Variants in SGCD observed in about 807,000 individuals in gnomAD.
SGCD encodes sarcoglycan delta.
A neutral mutation model predicts 36.6 loss-of-function variants in SGCD; 18 were observed. The observed-to-expected ratio is 0.49, with a 90% CI of 0.34 to 0.73. The LOEUF (loss-of-function observed/expected upper bound fraction) is 0.73, where lower values mean the gene tolerates loss of function less well. SGCD is among the 30% of genes least tolerant of loss of function. SGCD has a pLI of 0.01. For missense variants in SGCD, 387 were observed against 346.7 expected (o/e 1.12, Z -0.92); for synonymous variants, 133 against 130.6 (o/e 1.02, Z -0.12).
At position 156,765,928 on chromosome 5, in the gene SGCD, TAAA is replaced by T. The variant is rs1191497891; in HGVS notation, c.*6539_*6541del. The T allele has an allele frequency of 1.3e-5, 2 of 151,558 alleles. No individual in the cohort carries two copies. The highest frequency in any genetic ancestry group is 3.9e-4 in the East Asian group (2 of 5,136). 9.4% of individuals were successfully genotyped at this position (151,558 alleles called of 1,614,324 possible). A position where few individuals can be genotyped will look rare whatever the true frequency, so the allele number is the denominator to read the frequency against. ...TCTCTCACAGTGACAGCATCTATAC[TAAA>T]GTATAGATACCTAAGGGGAAAATAT... On this transcript the variant is annotated 3_prime_UTR_variant, in exon 9 of 9. Transcript: ENST00000337851.
At chr5:156,521,886 A>G (rs1407695691) in intron 4 of SGCD, among the ~76,000 whole-genome samples, 1 of 152,242 alleles carries the variant, frequency 6.6e-6, no homozygotes, top group Non-Finnish European at 1.5e-5. Flanking sequence ...TTATAAAGAT[A>G]CATACATGTG....
chr5:155,797,263 A>G, the SGCD span, among the ~76,000 whole-genome samples: 1 of 152,200 alleles, frequency 6.6e-6, no homozygotes, highest in Non-Finnish European at 1.5e-5. Flanking sequence ...TCAAACATAT[A>G]AGGTAGAAAT....
chr5:156,483,660 C>T (rs1383732668), intron 3 of SGCD, among the ~76,000 whole-genome samples: 5 of 152,204 alleles, frequency 3.3e-5, no homozygotes, highest in Non-Finnish European at 7.3e-5. Context: ...AGAGCAGTCA[C>T]CTTGGTAACT....
chr5:156,423,277 A>ATATTATAATATAATATTG (rs1554102055), intron 3 of SGCD, among the ~76,000 whole-genome samples: 5 of 8,010 alleles, frequency 6.2e-4, no homozygotes, highest in African/African-American at 1.7e-3. Flanking sequence ...ATATAACATT[A>ATATTATAATATAATATTG]TATTATATTT....
chr5:156,017,165 C>G (rs1328250965), intron 1 of SGCD, among the ~76,000 whole-genome samples: 1 of 152,160 alleles, frequency 6.6e-6, no homozygotes, highest in African/African-American at 2.4e-5. Context: ...TAAAAACCAT[C>G]TAAAAATATC....
At chr5:156,146,717 A>G (rs1318756692) in intron 3 of SGCD, among the ~76,000 whole-genome samples, 4 of 152,204 alleles carry the variant, frequency 2.6e-5, no homozygotes, top group Non-Finnish European at 4.4e-5. Flanking sequence ...GATGAGAGTA[A>G]TATAAGACTA....
intron 3 of SGCD, among the ~76,000 whole-genome samples, chr5:156,469,767 A>G (rs1754874626): frequency 6.6e-6 from 1 of 152,212 alleles, no homozygotes; most frequent in Non-Finnish European, 1.5e-5. Context: ...ACAGCTCGCC[A>G]TCGATTTGAT....
rs570887792 is a variant in SGCD, at chr5:155,913,730, G to GA, written c.-282+43307dup. ...TTATATTGAATTATATTTGAAGTAG[G>GA]ATTCTTTTTAAAAAAAAATAGATCT... On this transcript the variant is annotated intron_variant, in intron 1 of 9. Coordinates refer to the SGCD transcript ENST00000517913. Among the ~76,000 whole-genome samples the GA allele has an allele frequency of 7.2e-5, 11 of 152,162 alleles. No homozygotes were observed. In the South Asian group the frequency reaches 2.3e-3, roughly 32 times the overall value.
At chr5:155,850,282 C>G in the SGCD span, among the ~76,000 whole-genome samples, 1 of 151,798 alleles carries the variant, frequency 6.6e-6, no homozygotes, top group Admixed American at 6.6e-5. Flanking sequence ...ATCCAAGGGC[C>G]CTTACTGGGC....
At chr5:156,022,047 A>G (rs1365639318) in intron 1 of SGCD, among the ~76,000 whole-genome samples, 1 of 152,170 alleles carries the variant, frequency 6.6e-6, no homozygotes, top group Non-Finnish European at 1.5e-5. Flanking sequence ...TCATGCCCCC[A>G]TCTTCTCAAA....
At chr5:156,257,126 A>G (rs1370151439) in intron 3 of SGCD, among the ~76,000 whole-genome samples, 2 of 151,834 alleles carry the variant, frequency 1.3e-5, no homozygotes, top group Non-Finnish European at 2.9e-5. Flanking sequence ...GCTTGCAGTG[A>G]GCCCATACCA....
intron 7 of SGCD, chr5:156,704,131 A>G (rs1754645220): frequency 6.6e-6 from 1 of 152,166 alleles, no homozygotes. Context: ...GGATCCAGGC[A>G]TTTAAATGAT....
chr5:156,738,897 C>T (rs534315279), intron 7 of SGCD, among the ~76,000 whole-genome samples: 6 of 152,312 alleles, frequency 3.9e-5, no homozygotes, highest in African/African-American at 1.4e-4. Context: ...GGTGAAACAT[C>T]CAGCAGACAT....
chr5:156,326,984 T>C (rs1411197010), upstream of SGCD: 4 of 152,322 alleles, frequency 2.6e-5, no homozygotes, highest in East Asian at 1.9e-4. Flanking sequence ...CAAAGCCATA[T>C]TGAAGTACGG....
At position 156,625,036 on chromosome 5, in the gene SGCD, C is replaced by T. The variant is rs968370146; in HGVS notation, c.503-22428C>T. ...GGTTGGTGGAAGATAAATGAAAAAA[C>T]AATAAATCACCTTCTTAGAGATTAA... is the stretch of plus-strand genomic sequence containing the variant. On this transcript the variant is annotated intron_variant, in intron 6 of 8. Transcript: ENST00000337851. 1.3e-5 allele frequency among the ~76,000 whole-genome samples: 2 copies of T among 152,114 alleles called. 1 individual carries two copies. The highest frequency in any genetic ancestry group is 4.1e-4 in the South Asian group (2 of 4,820).
At chr5:156,183,187 T>A (rs937650636) in intron 3 of SGCD, among the ~76,000 whole-genome samples, 1 of 152,148 alleles carries the variant, frequency 6.6e-6, no homozygotes, top group Non-Finnish European at 1.5e-5. Context: ...TTACCCCAGC[T>A]GTCCCAGCTA....
chr5:156,229,273 C>CATATATATATATATATATATATAT (rs1383896091), intron 3 of SGCD, among the ~76,000 whole-genome samples: 227 of 8,488 alleles, frequency 0.027, 6 homozygotes, highest in African/African-American at 0.051. Context: ...TATATATATA[C>CATATATATATATATATATATATAT]ATACATATAT....
rs144279007 is a variant in SGCD at position 156,138,356 on chromosome 5, G to A, written c.-44+14337G>A. 3.2e-3 allele frequency among the ~76,000 whole-genome samples: 492 copies of A among 152,308 alleles called. 1 individual carries two copies. Among genetic ancestry groups the A allele is most frequent in the Non-Finnish European group, 5.4e-3 (366 of 68,012 alleles). The stretch of plus-strand genomic sequence containing the variant: ...GCAGAGGTTGCGGTGAGCTGAGATC[G>A]TGCCACTGCACTCCAGTCTGGGCAA... On this transcript the variant is annotated intron_variant, in intron 3 of 9. Transcript: ENST00000517913.
chr5:156,072,840 T>G (rs967466212), intron 1 of SGCD, among the ~76,000 whole-genome samples: 28 of 152,196 alleles, frequency 1.8e-4, no homozygotes, highest in African/African-American at 6.8e-4. Flanking sequence ...CTTTTTGTTC[T>G]TTTTTCTCTA....
Sources: gnomAD v4.1 joint callset for allele counts (sites outside exome capture counted in the v4.1 genomes callset) on GRCh38, gnomAD v4.1.1 for gene constraint, MANE v1.5 for transcripts, NCBI Gene and HGNC (gene_info 2026-07-23, HGNC 2026-07-21) for gene names.